The following AGMO variants were observed in gnomAD, a reference collection of about 807,000 sequenced individuals.
AGMO encodes glyceryl-ether monooxygenase.
In AGMO, 75 loss-of-function variants were observed where a neutral mutation model predicts 60.2. The observed-to-expected ratio is 1.25, with a 90% CI of 1.03 to 1.51. AGMO has a LOEUF of 1.51. Among genes scored for constraint, AGMO ranks in the 40% most tolerant of loss-of-function variants. The pLI is 0.00. For synonymous variants in AGMO, 261 were observed against 177.1 expected (o/e 1.47, Z -3.76); for missense variants, 763 against 525.5 (o/e 1.45, Z -4.42).
chr7:15,241,430 A>G (rs1782582650), intron 12 of AGMO, among the ~76,000 whole-genome samples: 1 of 127,412 alleles, frequency 7.8e-6, no homozygotes, highest in Non-Finnish European at 1.6e-5. Flanking sequence ...ACTGCAGTCC[A>G]GCTTGGGCGA....
At chr7:15,407,028 T>C (rs1278386279) in intron 5 of AGMO, among the ~76,000 whole-genome samples, 6 of 145,044 alleles carry the variant, frequency 4.1e-5, no homozygotes, top group Non-Finnish European at 6.0e-5. Context: ...TGTATATATA[T>C]GTATATACAC....
chr7:15,466,451 CA>C (rs1432092341), intron 3 of AGMO, among the ~76,000 whole-genome samples: 1 of 152,114 alleles, frequency 6.6e-6, no homozygotes, highest in Admixed American at 6.5e-5. Context: ...CTGCTATTAA[CA>C]CATCTAATTT....
intron 3 of AGMO, among the ~76,000 whole-genome samples, chr7:15,525,136 GC>G (rs1784091556): frequency 6.6e-6 from 1 of 152,052 alleles, no homozygotes; most frequent in Admixed American, 6.6e-5. Context: ...CAACTGAGAA[GC>G]TTTTATGTTA....
At chr7:15,440,137 C>T (rs1781510177) in intron 3 of AGMO, among the ~76,000 whole-genome samples, 1 of 152,152 alleles carries the variant, frequency 6.6e-6, no homozygotes, top group African/African-American at 2.4e-5. Context: ...CAGCAGTCCC[C>T]TCTTAAAATA....
intron 12 of AGMO, among the ~76,000 whole-genome samples, chr7:15,217,667 T>A (rs1215731106): frequency 6.6e-6 from 1 of 151,844 alleles, no homozygotes; most frequent in African/African-American, 2.4e-5. Context: ...ATAAAACTAA[T>A]CACTCAGAAG....
intron 12 of AGMO, among the ~76,000 whole-genome samples, chr7:15,320,799 T>A (rs1781085470): frequency 6.6e-6 from 1 of 152,188 alleles, no homozygotes; most frequent in South Asian, 2.1e-4. Context: ...TCTATTATTT[T>A]CTTTCTAAAC....
Position 15,200,506 on chromosome 7 carries a change from T to G in AGMO, c.*779A>C, listed in dbSNP as rs2115462814. The G allele has an allele frequency of 6.7e-6, 1 of 148,968 alleles. No homozygotes were observed. The highest frequency in any genetic ancestry group is 1.9e-4 in the East Asian group (1 of 5,192). 9.2% of individuals were successfully genotyped at this position (148,968 alleles called of 1,614,324 possible). Reference sequence around the variant, plus strand: ...CATTTTTCTTTCAGTGATGTCTTTTTTCTTTGAGACGGAGTCTCGCTCTGT... The same window carrying G: ...CATTTTTCTTTCAGTGATGTCTTTTGTCTTTGAGACGGAGTCTCGCTCTGT... On this transcript the variant is annotated 3_prime_UTR_variant, in exon 13 of 13. Coordinates refer to ENST00000342526, the MANE Select transcript of AGMO (RefSeq NM_001004320.2).
At chr7:15,368,552 G>C (rs1042021010) in intron 10 of AGMO, among the ~76,000 whole-genome samples, 1 of 152,028 alleles carries the variant, frequency 6.6e-6, no homozygotes, top group Non-Finnish European at 1.5e-5. Flanking sequence ...TATGCGTTTG[G>C]TACATTTGAA....
intron 12 of AGMO, among the ~76,000 whole-genome samples, chr7:15,225,199 A>G (rs1782041606): frequency 1.3e-5 from 2 of 151,992 alleles, no homozygotes; most frequent in African/African-American, 4.8e-5. Context: ...CTTCAAAAAT[A>G]AGATTCTTAA....
the AGMO span, among the ~76,000 whole-genome samples, chr7:15,181,672 T>A: frequency 6.6e-6 from 1 of 152,182 alleles, no homozygotes; most frequent in African/African-American, 2.4e-5. Flanking sequence ...TTAACTTTAA[T>A]ATTCACTATA....
At chr7:15,322,595 TATATATAAATATATATAAATATATAA>T in intron 12 of AGMO, among the ~76,000 whole-genome samples, 1 of 44,658 alleles carries the variant, frequency 2.2e-5, no homozygotes, top group East Asian at 4.9e-4. Context: ...AATATATAAA[TATATATAAATATATATAAATATATAA>T]ATATATATAA....
At chr7:15,557,253 T>A (rs949950683) in intron 2 of AGMO, among the ~76,000 whole-genome samples, 5 of 152,136 alleles carry the variant, frequency 3.3e-5, no homozygotes, top group Non-Finnish European at 7.4e-5. Flanking sequence ...AGAGGCCACA[T>A]GCTTATTTGG....
intron 12 of AGMO, among the ~76,000 whole-genome samples, chr7:15,331,367 GATAAT>G (rs1781494513): frequency 6.6e-6 from 1 of 152,082 alleles, no homozygotes; most frequent in Non-Finnish European, 1.5e-5. Flanking sequence ...CTGGAACAGG[GATAAT>G]ATATTTGTGG....
At chr7:15,298,076 G>A (rs1393589043) in intron 12 of AGMO, among the ~76,000 whole-genome samples, 1 of 151,726 alleles carries the variant, frequency 6.6e-6, no homozygotes, top group Non-Finnish European at 1.5e-5. Context: ...TTTTGAAGAG[G>A]ACATGTTATA....
intron 12 of AGMO, among the ~76,000 whole-genome samples, chr7:15,227,057 T>C (rs1054669479): frequency 6.6e-6 from 1 of 152,078 alleles, no homozygotes; most frequent in African/African-American, 2.4e-5. Context: ...CTTAACTTCA[T>C]CTTTTTCCTA....
At chr7:15,264,839 T>C (rs1463213704) in intron 12 of AGMO, among the ~76,000 whole-genome samples, 7 of 152,038 alleles carry the variant, frequency 4.6e-5, no homozygotes, top group Admixed American at 4.6e-4. Flanking sequence ...GGTGGGAACA[T>C]AAATTAGTTC....
At chr7:15,395,826 A>C (rs999104573) in intron 5 of AGMO, among the ~76,000 whole-genome samples, 2 of 152,210 alleles carry the variant, frequency 1.3e-5, no homozygotes, top group Non-Finnish European at 2.9e-5. Context: ...CTCTTTATCT[A>C]GGAGCGTTTG....
At chr7:15,260,085 C>T (rs1051713254) in intron 12 of AGMO, among the ~76,000 whole-genome samples, 1 of 150,876 alleles carries the variant, frequency 6.6e-6, no homozygotes, top group Non-Finnish European at 1.5e-5. Context: ...TACCTCACAT[C>T]TGAATATTAA....
intron 8 of AGMO, among the ~76,000 whole-genome samples, chr7:15,389,384 T>C (rs924359175): frequency 6.6e-6 from 1 of 152,200 alleles, no homozygotes; most frequent in East Asian, 1.9e-4. Flanking sequence ...ATTTCTCAAT[T>C]GGTTTTATTT....
Sources: allele counts gnomAD v4.1 joint callset (sites outside exome capture counted in the v4.1 genomes callset), GRCh38; gene constraint gnomAD v4.1.1; transcripts MANE v1.5; gene names NCBI Gene and HGNC (gene_info 2026-07-23, HGNC 2026-07-21).